The following TMPRSS2 variants were observed in gnomAD, a reference collection of about 807,000 sequenced individuals.
TMPRSS2 encodes the protein transmembrane serine protease 2, also known as transmembrane protease serine 2.
In TMPRSS2, 59 loss-of-function variants were observed where a neutral mutation model predicts 67.4. That is an observed-to-expected ratio of 0.88 (90% CI 0.71 to 1.09). The LOEUF is 1.09. TMPRSS2 is among the 50% of genes least tolerant of loss of function. TMPRSS2 has a pLI of 0.00. For missense variants in TMPRSS2, 668 were observed against 642.7 expected, an observed-to-expected ratio of 1.04 and a Z score of -0.43; for synonymous variants, 257 against 257.0, an observed-to-expected ratio of 1.00 and a Z score of 0.00.
chr21:41,476,491 C>T lies in TMPRSS2; in HGVS notation c.727+86G>A, dbSNP rs991809634. ...GACCCCACCTTCTTCCCTCCCACGC[C>T]CCCAGAGACACAGGGAGTACTGTTC... On this transcript the variant is annotated intron_variant, in intron 8 of 13. Coordinates refer to ENST00000332149, the MANE Select transcript of TMPRSS2 (RefSeq NM_005656.4). The T allele has an allele frequency of 1.2e-5, 16 of 1,386,722 alleles. No homozygotes were observed. The South Asian group carries it at 1.7e-4, about 15-fold the overall frequency. 85.9% of individuals were successfully genotyped at this position (1,386,722 alleles called of 1,614,324 possible). A position where few individuals can be genotyped will look rare whatever the true frequency, so the allele number is the denominator to read the frequency against.
In TMPRSS2 at chr21:41,478,613, G is replaced by A. The variant is rs992030633; in HGVS notation, c.683+559C>T. Reference sequence around the variant, plus strand: ...TGGCTTGTACCCACTTCTACCCCCTGGAAACACCACAACTCATTCCCAGGC... The same window carrying A: ...TGGCTTGTACCCACTTCTACCCCCTAGAAACACCACAACTCATTCCCAGGC... On this transcript the variant is annotated intron_variant, in intron 7 of 13. Transcript: ENST00000332149. The surrounding 1 kb of genome is among the most constrained non-coding windows in gnomAD (Gnocchi z 4.0). 1.3e-5 allele frequency among the ~76,000 whole-genome samples: 2 copies of A among 152,136 alleles called. No individual in the cohort carries two copies. Among genetic ancestry groups the A allele is most frequent in the Non-Finnish European group, 2.9e-5 (2 of 68,026 alleles).
chr21:41,481,260 A>G (rs1325132527), intron 5 of TMPRSS2, among the ~76,000 whole-genome samples: 2 of 128,166 alleles, frequency 1.6e-5, no homozygotes, highest in African/African-American at 5.0e-5. Flanking sequence ...AGAAGAGGGA[A>G]TGAAATTCAG....
chr21:41,496,740 G>T (rs546447704), intron 2 of TMPRSS2, among the ~76,000 whole-genome samples: 2 of 151,834 alleles, frequency 1.3e-5, no homozygotes, highest in South Asian at 4.2e-4. Context: ...GGCCACTCTG[G>T]GAGGCCACGT....
chr21:41,471,988 G>C lies in TMPRSS2; in HGVS notation c.900-7C>G. 6.3e-7 allele frequency: 1 copy of C among 1,591,928 alleles called. No individual in the cohort carries two copies. The highest frequency in any genetic ancestry group is 8.6e-7 in the Non-Finnish European group (1 of 1,165,320). On this transcript the variant is annotated splice_polypyrimidine_tract_variant and splice_region_variant and intron_variant, in intron 9 of 13. Coordinates refer to ENST00000332149, the MANE Select transcript of TMPRSS2 (RefSeq NM_005656.4). ...CCATGGATTGTTAAGAGGTCTGGGAGAGAAGAAGGACTCAGTATCTCAGAG... is the reference window on the plus strand; with the variant it reads ...CCATGGATTGTTAAGAGGTCTGGGACAGAAGAAGGACTCAGTATCTCAGAG...
chr21:41,467,769 T>G lies in TMPRSS2; in HGVS notation c.1432A>C (p.Met478Leu). 2 of 1,614,188 alleles carry G rather than the reference T, an allele frequency of 1.2e-6. No homozygotes were observed. Among genetic ancestry groups the G allele is most frequent in the Non-Finnish European group, 8.5e-7 (1 of 1,180,036 alleles). ...CGATAAATCCAGTCCGTGAATACCA[T>G]CACATTCCCGTACACTCCTGGTCTG... ...AYRPGVYGNV[M>L]VFTDWIYRQM... Residue 478 changes from methionine to leucine, a missense_variant, in exon 13 of 14, where the codon ATG becomes CTG. By Grantham distance (15) the Met-to-Leu change is conservative. Coordinates refer to ENST00000332149, the MANE Select transcript of TMPRSS2 (RefSeq NM_005656.4).
At chr21:41,484,555 T>C (rs1292972298) in intron 5 of TMPRSS2, among the ~76,000 whole-genome samples, 1 of 152,216 alleles carries the variant, frequency 6.6e-6, no homozygotes, top group Non-Finnish European at 1.5e-5. Context: ...AAGTGCACCC[T>C]ATGCCTGTTC....
chr21:41,503,618 G>A (rs944786433), intron 1 of TMPRSS2, among the ~76,000 whole-genome samples: 2 of 152,214 alleles, frequency 1.3e-5, no homozygotes, highest in Non-Finnish European at 2.9e-5. Flanking sequence ...AGCAGGCTTG[G>A]ATTCTATCTG....
rs541155775 is a variant in TMPRSS2 at position 41,471,201 on chromosome 21, T to C, written c.1076-458A>G. ...GGGCTGAGGTTTTGCTTCTTCTGTA[T>C]CCACATGGGGCTAGAACATTCCAGA... On this transcript the variant is annotated intron_variant, in intron 10 of 13. Coordinates refer to ENST00000332149, the MANE Select transcript of TMPRSS2 (RefSeq NM_005656.4). Among the ~76,000 whole-genome samples the C allele has an allele frequency of 2.0e-5, 3 of 152,364 alleles. No individual in the cohort carries two copies. The East Asian group carries it at 5.8e-4, about 29-fold the overall frequency.
At chr21:41,491,981 T>C (rs1314237781) in intron 3 of TMPRSS2, among the ~76,000 whole-genome samples, 1 of 152,124 alleles carries the variant, frequency 6.6e-6, no homozygotes, top group Non-Finnish European at 1.5e-5. Flanking sequence ...GATCACCTGA[T>C]GTCAGGAGTT....
chr21:41,480,656 T>G (rs1466916070), intron 5 of TMPRSS2, 54 bp from the exon 6 acceptor site: 1 of 1,591,768 alleles, frequency 6.3e-7, no homozygotes, highest in African/African-American at 1.3e-5. Flanking sequence ...TTCTTTTTTT[T>G]GAGACGGAGT....
At position 41,466,105 on chromosome 21, in the gene TMPRSS2, T is replaced by C; in HGVS notation, c.*37A>G. ...GGAAGCAAAACCAGCCCCATTGTTT[T>C]CTTGTAAAACGACGTCAAGGACGAA... is the stretch of plus-strand genomic sequence containing the variant. On this transcript the variant is annotated 3_prime_UTR_variant, in exon 14 of 14. Transcript: ENST00000332149. The C allele has an allele frequency of 1.2e-6, 2 of 1,613,478 alleles. No individual in the cohort carries two copies. Among genetic ancestry groups the C allele is most frequent in the South Asian group, 2.2e-5 (2 of 90,944 alleles).
rs775460790 is a variant in TMPRSS2, at chr21:41,464,469, G to A, written c.*1673C>T. On this transcript the variant is annotated 3_prime_UTR_variant, in exon 14 of 14. Coordinates refer to ENST00000332149, the MANE Select transcript of TMPRSS2 (RefSeq NM_005656.4). Reference sequence around the variant, plus strand: ...GGCCTTGCCTCACCTTTGGTCCTCTGACCAGCAGCCTCAACATCACCCCCT... The same window carrying A: ...GGCCTTGCCTCACCTTTGGTCCTCTAACCAGCAGCCTCAACATCACCCCCT... 5.2e-6 allele frequency: 1 copy of A among 192,664 alleles called. No individual in the cohort carries two copies. The highest frequency in any genetic ancestry group is 1.1e-5 in the Non-Finnish European group (1 of 92,154). The allele number at this position is 192,664 out of a possible 1,614,324, so 11.9% of individuals were successfully genotyped here. A position where few individuals can be genotyped will look rare whatever the true frequency, so the allele number is the denominator to read the frequency against.
chr21:41,498,227 C>G (rs747902611), intron 1 of TMPRSS2, 38 bp from the exon 2 acceptor site: 2 of 1,399,576 alleles, frequency 1.4e-6, no homozygotes, highest in African/African-American at 2.9e-5. Flanking sequence ...TATTTCCATA[C>G]CAGTTAGTTT....
At chr21:41,494,263 G>A (rs1368132391) in intron 3 of TMPRSS2, 93 bp downstream of exon 3, 2 of 1,318,094 alleles carry the variant, frequency 1.5e-6, no homozygotes, top group Non-Finnish European at 1.1e-6. Flanking sequence ...CAGGAGAGGT[G>A]GCGACAGTGG....
In TMPRSS2 at chr21:41,467,783, A is replaced by G; in HGVS notation, c.1418T>C (p.Val473Ala). 1 of 1,614,068 alleles carries G rather than the reference A, an allele frequency of 6.2e-7. No homozygotes were observed. Among genetic ancestry groups the G allele is most frequent in the Non-Finnish European group, 8.5e-7 (1 of 1,180,018 alleles). The change falls in exon 13 of 14, where the codon GTG becomes GCG. Residue 473 changes from valine (V) to alanine (A), a missense_variant. Coordinates refer to ENST00000332149, the MANE Select transcript of TMPRSS2 (RefSeq NM_005656.4). ...CGTGAATACCATCACATTCCCGTAC[A>G]CTCCTGGTCTGTAAGCTTTGGCACA... The part of the protein sequence containing the change: ...SGCAKAYRPG[V>A]YGNVMVFTDW...
At chr21:41,477,978 C>A (rs1273751800) in intron 7 of TMPRSS2, among the ~76,000 whole-genome samples, 1 of 152,158 alleles carries the variant, frequency 6.6e-6, no homozygotes, top group Non-Finnish European at 1.5e-5. Flanking sequence ...TCCCAAGGCT[C>A]TTGCCAAGGG....
In TMPRSS2 at chr21:41,480,526, G is replaced by T. The variant is rs376158219; in HGVS notation, c.522C>A (p.Asp174Glu). The T allele has an allele frequency of 4.0e-5, 65 of 1,613,622 alleles. No homozygotes were observed. Among genetic ancestry groups the T allele is most frequent in the Non-Finnish European group, 5.2e-5 (61 of 1,180,048 alleles). ...QRKSWHPVCQ[D>E]DWNENYGRAA... is the part of the protein sequence containing the mutation. ...CCCGCCCGTAGTTCTCGTTCCAGTCGTCTTGGCACACAGGGTGCCAGGACT... is the reference window on the plus strand; with the variant it reads ...CCCGCCCGTAGTTCTCGTTCCAGTCTTCTTGGCACACAGGGTGCCAGGACT... The change falls in exon 6 of 14, where the codon GAC becomes GAA. Residue 174 changes from aspartate (D) to glutamate (E), a missense_variant. Coordinates refer to ENST00000332149, the MANE Select transcript of TMPRSS2 (RefSeq NM_005656.4).
intron 1 of TMPRSS2, among the ~76,000 whole-genome samples, chr21:41,502,244 G>A (rs1423390063): frequency 6.6e-6 from 1 of 152,204 alleles, no homozygotes; most frequent in Non-Finnish European, 1.5e-5. Context: ...CTCCTCTGGA[G>A]ATCTCAGGAC....
At chr21:41,468,030 G>C in intron 12 of TMPRSS2, 144 bp from the exon 13 acceptor site, 1 of 819,616 alleles carries the variant, frequency 1.2e-6, no homozygotes, top group Non-Finnish European at 1.9e-6. Context: ...CCACCATCAA[G>C]GGGTGATGGT....
Sources: gnomAD v4.1 joint callset for allele counts (sites outside exome capture counted in the v4.1 genomes callset) on GRCh38, gnomAD v4.1.1 for gene constraint, Gnocchi (gnomAD v3.1) non-coding constraint, MANE v1.5 for transcripts, NCBI Gene and HGNC (gene_info 2026-07-23, HGNC 2026-07-21) for gene names.